Variants in UNC50 observed in about 807,000 individuals in gnomAD.
UNC50 encodes the protein unc-50 inner nuclear membrane RNA binding protein, also known as protein unc-50 homolog.
Under a neutral mutation model 31.5 loss-of-function variants are expected in UNC50, and 24 were observed. That is an observed-to-expected ratio of 0.76 (90% confidence interval 0.55 to 1.07). The LOEUF (loss-of-function observed/expected upper bound fraction) is 1.07, where lower values mean the gene tolerates loss of function less well. Among genes scored for constraint, UNC50 ranks in the 50% least tolerant of loss-of-function variants. The pLI is 0.00. For synonymous variants in UNC50, 118 were observed against 114.7 expected (o/e 1.03, Z -0.18); for missense variants, 245 against 304.2 (o/e 0.81, Z 1.45).
intron 2 of UNC50, 21 bp downstream of exon 2, chr2:98,610,060 T>C (rs760930401): frequency 6.3e-7 from 1 of 1,596,460 alleles, no homozygotes; most frequent in Non-Finnish European, 8.6e-7. Context: ...TTATCTGAGA[T>C]AGAATTGAAC....
At chr2:98,610,333 A>G (rs1460559047) in intron 2 of UNC50, among the ~76,000 whole-genome samples, 2 of 152,312 alleles carry the variant, frequency 1.3e-5, no homozygotes, top group East Asian at 3.9e-4. Context: ...GAATAGGAAT[A>G]TGAAACTGGA....
chr2:98,608,892 G>A, intron 1 of UNC50, 166 bp downstream of exon 1: 1 of 248,882 alleles, frequency 4.0e-6, no homozygotes, highest in South Asian at 4.0e-5. Context: ...AGGACGCCCA[G>A]TTACATTTGC....
chr2:98,611,228 CAT>C (rs1315780172), intron 3 of UNC50, among the ~76,000 whole-genome samples: 3 of 152,182 alleles, frequency 2.0e-5, no homozygotes, highest in Non-Finnish European at 2.9e-5. Context: ...GTCCTGATGA[CAT>C]GTGCCCAAGG....
intron 3 of UNC50, among the ~76,000 whole-genome samples, chr2:98,615,830 CA>C (rs1201432258): frequency 2.0e-5 from 3 of 152,224 alleles, no homozygotes; most frequent in Non-Finnish European, 2.9e-5. Flanking sequence ...ATGTTGGGCC[CA>C]ACCCTGTTTC....
chr2:98,611,034 C>A, intron 3 of UNC50, 139 bp downstream of exon 3: 1 of 1,052,368 alleles, frequency 9.5e-7, no homozygotes, highest in Non-Finnish European at 1.3e-6. Context: ...AAGATTATTA[C>A]AATTTTCCCT....
intron 1 of UNC50, 65 bp from the exon 2 acceptor site, chr2:98,609,691 A>C: frequency 1.2e-6 from 2 of 1,606,518 alleles, no homozygotes; most frequent in Non-Finnish European, 1.7e-6. Flanking sequence ...AACTCAGAAG[A>C]GGAGTGTCGG....
intron 3 of UNC50, 112 bp downstream of exon 3, chr2:98,611,007 G>T (rs758190676): frequency 7.9e-7 from 1 of 1,264,218 alleles, no homozygotes; most frequent in Non-Finnish European, 1.1e-6. Context: ...GTTACTAAAT[G>T]ATCAATTTTG....
At chr2:98,610,483 A>G (rs528940171) in intron 2 of UNC50, among the ~76,000 whole-genome samples, 44 of 152,358 alleles carry the variant, frequency 2.9e-4, no homozygotes, top group African/African-American at 1.0e-3. Context: ...ATTGAAGTTT[A>G]TAGGGTGTTT....
chr2:98,617,546 A>AGTTT (rs1376948712), intron 5 of UNC50, among the ~76,000 whole-genome samples: 1 of 144,470 alleles, frequency 6.9e-6, no homozygotes, highest in African/African-American at 2.5e-5. Flanking sequence ...AGTACAGCTC[A>AGTTT]GTTTGTTTAA....
chr2:98,612,090 C>A (rs1010599650), intron 3 of UNC50, among the ~76,000 whole-genome samples: 1 of 151,394 alleles, frequency 6.6e-6, no homozygotes, highest in Non-Finnish European at 1.5e-5. Flanking sequence ...TGGTAAAGTC[C>A]TCCTGTGTGG....
intron 3 of UNC50, among the ~76,000 whole-genome samples, chr2:98,612,662 G>T (rs1215834026): frequency 6.6e-6 from 1 of 152,210 alleles, no homozygotes; most frequent in Non-Finnish European, 1.5e-5. Context: ...TCCCGCCTCA[G>T]CCTCCCAAAG....
intron 3 of UNC50, among the ~76,000 whole-genome samples, chr2:98,613,046 G>A (rs72823798): frequency 4.7e-4 from 71 of 152,326 alleles, no homozygotes; most frequent in Non-Finnish European, 8.7e-4. Flanking sequence ...CAGTTTCTGT[G>A]AAGCGCAGTA....
chr2:98,618,115 A>AGTCAT (rs1553534016), intron 5 of UNC50, 53 bp from the exon 6 acceptor site: 2 of 1,352,374 alleles, frequency 1.5e-6, no homozygotes, highest in Admixed American at 5.9e-5. Flanking sequence ...TTCATTTATT[A>AGTCAT]GTCATTTATT....
At position 98,616,378 on chromosome 2, in the gene UNC50, G is replaced by A. The variant is rs768405564; in HGVS notation, c.541+32G>A. 5.7e-5 allele frequency: 92 copies of A among 1,613,646 alleles called. 1 individual carries two copies. The East Asian group carries it at 2.0e-3, about 35-fold the overall frequency. ...AGCAGTTAATTAGAGTATTATCCAA[G>A]TCTTCATTGCATGCATTGGTAAAGG... On this transcript the variant is annotated intron_variant, in intron 4 of 5. Coordinates refer to ENST00000357765, the MANE Select transcript of UNC50 (RefSeq NM_014044.7).
intron 2 of UNC50, 138 bp from the exon 3 acceptor site, chr2:98,610,637 A>G (rs1700810784): frequency 9.5e-7 from 1 of 1,049,516 alleles, no homozygotes; most frequent in Non-Finnish European, 1.4e-6. Context: ...GTCCCAAGGT[A>G]GTGTTCACAC....
Position 98,618,451 on chromosome 2 carries a change from G to T in UNC50, c.*147G>T. 1.5e-6 allele frequency: 1 copy of T among 674,894 alleles called. No individual in the cohort carries two copies. The highest frequency in any genetic ancestry group is 2.2e-6 in the Non-Finnish European group (1 of 462,744). 41.8% of individuals were successfully genotyped at this position (674,894 alleles called of 1,614,324 possible). On this transcript the variant is annotated 3_prime_UTR_variant, in exon 6 of 6. Coordinates refer to ENST00000357765, the MANE Select transcript of UNC50 (RefSeq NM_014044.7). ...TTGAAGAAATATATATTAACACTGT[G>T]GTCAGGTACATTCCTTAAAACTAAT...
rs1373019070 is a variant in UNC50, at chr2:98,610,879, A to G, written c.385A>G (p.Ile129Val). The change falls in exon 3 of 6, where the codon ATA (isoleucine) becomes GTA (valine). Residue 129 changes from isoleucine to valine, a missense_variant. Physicochemically the swap from Ile to Val is conservative, Grantham distance 29. Transcript: ENST00000357765. ...LIDCVGVGLLIATLMWFISNK... is the reference protein window; with the variant it reads ...LIDCVGVGLLVATLMWFISNK... ...AGATTGTGTAGGCGTTGGTCTTCTG[A>G]TAGCAACTTTAATGTGGTAAGTACC... 6.2e-7 allele frequency: 1 copy of G among 1,613,954 alleles called. No individual in the cohort carries two copies. Among genetic ancestry groups the G allele is most frequent in the Admixed American group, 1.7e-5 (1 of 59,994 alleles).
chr2:98,616,223 T>C lies in UNC50; in HGVS notation c.418T>C (p.Tyr140His), dbSNP rs1266248214. 6.2e-7 allele frequency: 1 copy of C among 1,612,286 alleles called. No homozygotes were observed. The highest frequency in any genetic ancestry group is 8.5e-7 in the Non-Finnish European group (1 of 1,179,548). The change falls in exon 4 of 6, where the codon TAT becomes CAT. Residue 140 changes from tyrosine (Y) to histidine (H), a missense_variant. By Grantham distance (83) the Tyr-to-His change is moderately conservative. Transcript: ENST00000357765. ...TGCTCTTAGGTTCATCTCTAACAAGTATTTAGTGAAACGACAGAGCAGAGA... is the reference window on the plus strand; with the variant it reads ...TGCTCTTAGGTTCATCTCTAACAAGCATTTAGTGAAACGACAGAGCAGAGA... Reference protein sequence around the residue: ...ATLMWFISNKYLVKRQSRDYD... With the variant: ...ATLMWFISNKHLVKRQSRDYD...
Position 98,608,613 on chromosome 2 carries a change from A to C in UNC50, c.-118A>C. On this transcript the variant is annotated 5_prime_UTR_variant, in exon 1 of 6. Transcript: ENST00000357765. ...CGGTTCCCGTGACGCGGCGCGCCCCAAGGGCCGGCTCCGTTGAGGGAAGGG... is the reference window on the plus strand; with the variant it reads ...CGGTTCCCGTGACGCGGCGCGCCCCCAGGGCCGGCTCCGTTGAGGGAAGGG... 1 of 598,872 alleles carries C rather than the reference A, an allele frequency of 1.7e-6. No homozygotes were observed. The highest frequency in any genetic ancestry group is 3.0e-6 in the Non-Finnish European group (1 of 337,610). 37.1% of individuals were successfully genotyped at this position (598,872 alleles called of 1,614,324 possible). A position where few individuals can be genotyped will look rare whatever the true frequency, so the allele number is the denominator to read the frequency against.
Sources: allele counts gnomAD v4.1 joint callset (sites outside exome capture counted in the v4.1 genomes callset), GRCh38; gene constraint gnomAD v4.1.1; transcripts MANE v1.5; gene names NCBI Gene and HGNC (gene_info 2026-07-23, HGNC 2026-07-21).